ANKS1B: variants seen among roughly 807,000 people sequenced by gnomAD.
The protein encoded by ANKS1B is ankyrin repeat and sterile alpha motif domain containing 1B, also known as ankyrin repeat and sterile alpha motif domain-containing protein 1B.
A neutral mutation model predicts 148.3 loss-of-function variants in ANKS1B; 36 were observed. The ratio of observed to expected loss-of-function variants is 0.24; its 90% CI spans 0.19 to 0.32. ANKS1B has a LOEUF of 0.32. Among genes scored for constraint, ANKS1B ranks in the 10% least tolerant of loss-of-function variants. The probability of loss-of-function intolerance (pLI) is 1.00; values close to 1 mark genes in which losing one functional copy is unlikely to be tolerated. For missense variants in ANKS1B, 1,157 were observed against 1,542.6 expected, an observed-to-expected ratio of 0.75 and a Z score of 4.19; for synonymous variants, 542 against 560.8, an observed-to-expected ratio of 0.97 and a Z score of 0.47.
At chr12:99,719,850 C>T (rs1018757484) in intron 8 of ANKS1B, among the ~76,000 whole-genome samples, 1 of 152,170 alleles carries the variant, frequency 6.6e-6, no homozygotes, top group African/African-American at 2.4e-5. Context: ...AATGCTCATA[C>T]TGATAAGATA....
chr12:98,916,719 G>C (rs902344378), intron 17 of ANKS1B, among the ~76,000 whole-genome samples: 2 of 152,180 alleles, frequency 1.3e-5, no homozygotes, highest in Non-Finnish European at 2.9e-5. Flanking sequence ...AACTCACTTG[G>C]CTAGAATAGC....
At chr12:98,785,923 C>T (rs1011846744) in intron 22 of ANKS1B, among the ~76,000 whole-genome samples, 2 of 152,170 alleles carry the variant, frequency 1.3e-5, no homozygotes, top group African/African-American at 4.8e-5. Flanking sequence ...CTTCTGTTAT[C>T]GTTTTCTTTC....
chr12:99,410,808 A>G (rs1176074944), intron 11 of ANKS1B, among the ~76,000 whole-genome samples: 2 of 152,248 alleles, frequency 1.3e-5, no homozygotes, highest in African/African-American at 2.4e-5. Flanking sequence ...TTTCAAGAGC[A>G]GGTACAAAAA....
At chr12:99,094,499 T>C (rs980603428) in intron 15 of ANKS1B, among the ~76,000 whole-genome samples, 1 of 152,000 alleles carries the variant, frequency 6.6e-6, no homozygotes, top group East Asian at 1.9e-4. Flanking sequence ...AATAAACAAA[T>C]AAATAACAAC....
chr12:99,219,935 G>A (rs2084820134), intron 14 of ANKS1B, among the ~76,000 whole-genome samples: 1 of 152,212 alleles, frequency 6.6e-6, no homozygotes, highest in Admixed American at 6.5e-5. Context: ...TATTTTAAAA[G>A]TATTGGAGTA....
chr12:99,039,186 T>C (rs1307975377), intron 17 of ANKS1B, among the ~76,000 whole-genome samples: 1 of 152,238 alleles, frequency 6.6e-6, no homozygotes. Context: ...CAAAGATATA[T>C]AGAGTGTGGA....
intron 12 of ANKS1B, among the ~76,000 whole-genome samples, chr12:99,265,291 T>C (rs1234232211): frequency 1.3e-5 from 2 of 152,032 alleles, no homozygotes; most frequent in African/African-American, 4.8e-5. Flanking sequence ...CCCAGAAACC[T>C]ATACTTTTAC....
chr12:98,809,298 T>C (rs534211030), intron 19 of ANKS1B, among the ~76,000 whole-genome samples: 1 of 152,346 alleles, frequency 6.6e-6, no homozygotes, highest in East Asian at 1.9e-4. Flanking sequence ...CTTAGACCCA[T>C]TCACTCTGTT....
Position 99,825,890 on chromosome 12 carries a change from A to G in ANKS1B, c.135-501T>C, listed in dbSNP as rs564767715. On this transcript the variant is annotated intron_variant, in intron 1 of 26. Coordinates refer to ENST00000683438, the MANE Select transcript of ANKS1B (RefSeq NM_001352186.2). ...ACCAGGAAAATGTAATCAATATTTCATACTTGAAAATAAAATTGAAGATTT... is the reference window on the plus strand; with the variant it reads ...ACCAGGAAAATGTAATCAATATTTCGTACTTGAAAATAAAATTGAAGATTT... Among the ~76,000 whole-genome samples the G allele has an allele frequency of 8.5e-5, 13 of 152,320 alleles. No homozygotes were observed. In the East Asian group the frequency reaches 2.3e-3, roughly 27 times the overall value.
At chr12:99,080,838 A>C (rs923690523) in intron 16 of ANKS1B, among the ~76,000 whole-genome samples, 2 of 152,220 alleles carry the variant, frequency 1.3e-5, no homozygotes, top group African/African-American at 4.8e-5. Context: ...CATTTCTAGG[A>C]CAGTAGAAAA....
rs1254848220 is a variant in ANKS1B at position 99,853,815 on chromosome 12, T to TA, written c.135-28427dup. Among the ~76,000 whole-genome samples the TA allele has an allele frequency of 7.3e-5, 11 of 149,804 alleles. No individual in the cohort carries two copies. In the South Asian group the frequency reaches 8.4e-4, roughly 11 times the overall value. On this transcript the variant is annotated intron_variant, in intron 1 of 26. Transcript: ENST00000683438. ...AAAGGTGATGTCCAACTAAAAGAAA[T>TA]AAAAAAAAGATACAGGATATGAATG...
intron 12 of ANKS1B, among the ~76,000 whole-genome samples, chr12:99,385,289 C>G (rs976129599): frequency 6.6e-6 from 1 of 152,044 alleles, no homozygotes; most frequent in Admixed American, 6.6e-5. Flanking sequence ...GCCAACATGG[C>G]AAAACCCCAT....
chr12:99,463,355 T>G (rs2096020857), intron 10 of ANKS1B, among the ~76,000 whole-genome samples: 1 of 152,112 alleles, frequency 6.6e-6, no homozygotes, highest in Non-Finnish European at 1.5e-5. Context: ...GCTCCCAGCA[T>G]GAGTGACGCA....
At chr12:99,176,346 AATGC>A (rs1268502543) in intron 14 of ANKS1B, among the ~76,000 whole-genome samples, 1 of 152,160 alleles carries the variant, frequency 6.6e-6, no homozygotes, top group South Asian at 2.1e-4. Context: ...TCTTGTTATG[AATGC>A]ATGCTGCTCT....
intron 10 of ANKS1B, among the ~76,000 whole-genome samples, chr12:99,445,446 T>C (rs146465514): frequency 3.9e-5 from 6 of 152,164 alleles, no homozygotes; most frequent in African/African-American, 1.4e-4. Flanking sequence ...ATCATCATTA[T>C]ATATTTGTCC....
At chr12:99,363,336 T>G (rs1276659926) in intron 12 of ANKS1B, among the ~76,000 whole-genome samples, 3 of 152,102 alleles carry the variant, frequency 2.0e-5, no homozygotes, top group African/African-American at 7.2e-5. Flanking sequence ...TTTAGTAAAA[T>G]CTTTAACAGA....
At chr12:98,815,739 C>A (rs931629221) in intron 19 of ANKS1B, among the ~76,000 whole-genome samples, 3 of 152,156 alleles carry the variant, frequency 2.0e-5, no homozygotes, top group Non-Finnish European at 4.4e-5. Context: ...CGCATTCAAT[C>A]CAGCAGCAAA....
chr12:99,550,623 C>CAAAA (rs34087621), intron 9 of ANKS1B, among the ~76,000 whole-genome samples: 1 of 134,334 alleles, frequency 7.4e-6, no homozygotes, highest in Admixed American at 7.5e-5. Context: ...AACTCTATCT[C>CAAAA]AAAAAAAAAA....
chr12:99,191,378 A>G (rs1311297105), intron 14 of ANKS1B, among the ~76,000 whole-genome samples: 4 of 152,230 alleles, frequency 2.6e-5, no homozygotes, highest in African/African-American at 9.6e-5. Context: ...TCATTCTACT[A>G]TAAAGACACA....
Sources: allele counts gnomAD v4.1 joint callset (sites outside exome capture counted in the v4.1 genomes callset), GRCh38; gene constraint gnomAD v4.1.1; transcripts MANE v1.5; gene names NCBI Gene and HGNC (gene_info 2026-07-23, HGNC 2026-07-21).